HDAC4: variants seen among roughly 807,000 people sequenced by gnomAD.
The protein encoded by HDAC4 is histone deacetylase 4, also known as histone deacetylase A.
HDAC4 carries 16 observed loss-of-function variants against 135.1 expected under a neutral mutation model. The ratio of observed to expected loss-of-function variants is 0.12; its 90% CI spans 0.08 to 0.18. HDAC4 has a LOEUF of 0.18. Ranked by LOEUF, HDAC4 falls within the 10% of genes least tolerant of loss-of-function variation. HDAC4 has a pLI of 1.00. For missense variants in HDAC4, 1,143 were observed against 1,511.8 expected (o/e 0.76, Z 4.05); for synonymous variants, 685 against 653.4 (o/e 1.05, Z -0.74).
intron 3 of HDAC4, among the ~76,000 whole-genome samples, chr2:239,199,470 C>T (rs1042155826): frequency 1.6e-4 from 24 of 152,290 alleles, no homozygotes; most frequent in African/African-American, 4.8e-4. Flanking sequence ...TCACAAACAG[C>T]GCTTATGAGA....
At position 239,299,012 on chromosome 2, in the gene HDAC4, G is replaced by T. The variant is rs966205310; in HGVS notation, c.22+53666C>A. ...GCCTCCCGAGTAGCTGGGACTACAG[G>T]TGCCCGCCACCACGCCCAGCTAATT... On this transcript the variant is annotated intron_variant, in intron 2 of 26. Transcript: ENST00000543185. This position sits in a 1 kb window ranked among gnomAD's most constrained non-coding sequence, Gnocchi z 4.0. Among the ~76,000 whole-genome samples, 2 of 151,840 alleles carry T rather than the reference G, an allele frequency of 1.3e-5. No homozygotes were observed. Among genetic ancestry groups the T allele is most frequent in the South Asian group, 4.2e-4 (2 of 4,806 alleles).
intron 2 of HDAC4, among the ~76,000 whole-genome samples, chr2:239,282,136 TG>T (rs2050806400): frequency 7.1e-6 from 1 of 141,488 alleles, no homozygotes; most frequent in Admixed American, 7.0e-5. Flanking sequence ...GTACACACCA[TG>T]CTACAATGAA....
In HDAC4 at chr2:239,207,598, C is replaced by T. The variant is rs1342200414; in HGVS notation, c.95-17521G>A. Among the ~76,000 whole-genome samples, 5 of 152,134 alleles carry T rather than the reference C, an allele frequency of 3.3e-5. No homozygotes were observed. In the East Asian group the frequency reaches 9.6e-4, roughly 29 times the overall value. On this transcript the variant is annotated intron_variant, in intron 3 of 26. Transcript: ENST00000543185. ...AAAATAAAAAAATACAAAGGAACAA[C>T]TTGAGGCCAGTAAGTTTTAAAACTT...
intron 18 of HDAC4, among the ~76,000 whole-genome samples, chr2:239,088,162 G>C (rs2036167384): frequency 6.6e-6 from 1 of 152,260 alleles, no homozygotes; most frequent in African/African-American, 2.4e-5. Flanking sequence ...ACACTGGGCA[G>C]AAACGCTGTC....
Position 239,388,211 on chromosome 2 carries a change from G to A in HDAC4, c.-220+12767C>T, listed in dbSNP as rs78335521. ...ACTTATCCTGACAACAGTTCTTCAA[G>A]GAGGAAACCCTGAAGTCTGCTTTGC... is the stretch of plus-strand genomic sequence containing the variant. On this transcript the variant is annotated intron_variant, in intron 1 of 26. Transcript: ENST00000543185. Among the ~76,000 whole-genome samples, 912 of 152,330 alleles carry A rather than the reference G, an allele frequency of 6.0e-3. 13 individuals are homozygous for A. The highest frequency in any genetic ancestry group is 0.021 in the African/African-American group (853 of 41,570).
In HDAC4 at chr2:239,141,914, T is replaced by C. The variant is rs2041401603; in HGVS notation, c.866-2118A>G. Reference sequence around the variant, plus strand: ...TCATATAAATGCATAATCTTCATAGTATTACTTAGATCAGCAAAACGGGAA... The same window carrying C: ...TCATATAAATGCATAATCTTCATAGCATTACTTAGATCAGCAAAACGGGAA... On this transcript the variant is annotated intron_variant, in intron 8 of 26. Transcript: ENST00000543185. This position sits in a 1 kb window ranked among gnomAD's most constrained non-coding sequence, Gnocchi z 4.9. 6.6e-6 allele frequency among the ~76,000 whole-genome samples: 1 copy of C among 152,162 alleles called. No homozygotes were observed.
intron 4 of HDAC4, among the ~76,000 whole-genome samples, chr2:239,182,359 C>G (rs2044207102): frequency 6.6e-6 from 1 of 152,244 alleles, no homozygotes; most frequent in Non-Finnish European, 1.5e-5. Context: ...GCAGAGCGGA[C>G]AGATGCAGCC....
At chr2:239,069,435 GAC>G (rs2033923077) in intron 22 of HDAC4, among the ~76,000 whole-genome samples, 1 of 64,818 alleles carries the variant, frequency 1.5e-5, no homozygotes, top group African/African-American at 6.1e-5. Context: ...CAAGCCCCAC[GAC>G]ACTTGCTTAG....
intron 2 of HDAC4, among the ~76,000 whole-genome samples, chr2:239,242,259 A>AGGGAGGGAGGG (rs1291753989): frequency 6.7e-6 from 1 of 150,126 alleles, no homozygotes; most frequent in African/African-American, 2.5e-5. Context: ...GGAGGGAGGG[A>AGGGAGGGAGGG]AACGAACAGT....
intron 1 of HDAC4, among the ~76,000 whole-genome samples, chr2:239,373,889 T>C (rs555008185): frequency 2.4e-4 from 37 of 152,320 alleles, no homozygotes; most frequent in African/African-American, 8.9e-4. Flanking sequence ...CAATTGTCTT[T>C]GGAGATTTCT....
At chr2:239,369,829 T>TA (rs1035319406) in intron 1 of HDAC4, among the ~76,000 whole-genome samples, 34 of 152,274 alleles carry the variant, frequency 2.2e-4, no homozygotes, top group African/African-American at 8.2e-4. Context: ...ATGAAGAGCT[T>TA]AAAGGAGCTG....
intron 22 of HDAC4, among the ~76,000 whole-genome samples, chr2:239,074,333 G>A (rs2034518152): frequency 6.6e-6 from 1 of 152,374 alleles, no homozygotes; most frequent in Non-Finnish European, 1.5e-5. Context: ...CTGCTTTGCA[G>A]CGAGCGCACG....
chr2:239,271,422 G>A (rs1454267557), intron 2 of HDAC4, among the ~76,000 whole-genome samples: 4 of 152,190 alleles, frequency 2.6e-5, no homozygotes, highest in East Asian at 1.9e-4. Context: ...CACTGTGCTC[G>A]GTCGGCTTAG....
chr2:239,326,037 T>C (rs1161865690), intron 2 of HDAC4, among the ~76,000 whole-genome samples: 1 of 151,926 alleles, frequency 6.6e-6, no homozygotes, highest in East Asian at 1.9e-4. Context: ...ACCCAAAAGA[T>C]GTGAAAGCAG....
At chr2:239,054,676 G>T (rs945395741) in intron 25 of HDAC4, 73 bp downstream of exon 25, 24 of 947,372 alleles carry the variant, frequency 2.5e-5, no homozygotes, top group Non-Finnish European at 3.7e-5. Flanking sequence ...GGTATAGGGG[G>T]ACAGGGATGG....
intron 4 of HDAC4, among the ~76,000 whole-genome samples, chr2:239,181,772 G>C (rs1027171779): frequency 1.1e-4 from 16 of 152,216 alleles, no homozygotes; most frequent in African/African-American, 3.9e-4. Flanking sequence ...GTTAAATGTG[G>C]CACCTGCCCC....
At position 239,101,370 on chromosome 2, in the gene HDAC4, G is replaced by C. The variant is rs117539493; in HGVS notation, c.2233+1406C>G. ...GTGCCCTCGGCGAGTGGATGAAGGC[G>C]TGAGCGAGTGAGTGAGTGAACGCAT... is the stretch of plus-strand genomic sequence containing the variant. On this transcript the variant is annotated intron_variant, in intron 16 of 26. Transcript: ENST00000543185. Among the ~76,000 whole-genome samples, 20 of 152,334 alleles carry C rather than the reference G, an allele frequency of 1.3e-4. No homozygotes were observed. In the East Asian group the frequency reaches 3.9e-3, roughly 29 times the overall value.
intron 1 of HDAC4, among the ~76,000 whole-genome samples, chr2:239,354,328 G>T (rs1296932487): frequency 6.6e-6 from 1 of 152,186 alleles, no homozygotes; most frequent in South Asian, 2.1e-4. Flanking sequence ...TGCTCCCAGG[G>T]AAGTGTCGGG....
chr2:239,345,026 C>G (rs1692522370), intron 2 of HDAC4, among the ~76,000 whole-genome samples: 1 of 152,120 alleles, frequency 6.6e-6, no homozygotes, highest in African/African-American at 2.4e-5. Context: ...CCCCTGGACT[C>G]CTGCCAGCTG....
Sources: gnomAD v4.1 joint callset for allele counts (sites outside exome capture counted in the v4.1 genomes callset) on GRCh38, gnomAD v4.1.1 for gene constraint, Gnocchi (gnomAD v3.1) non-coding constraint, MANE v1.5 for transcripts, NCBI Gene and HGNC (gene_info 2026-07-23, HGNC 2026-07-21) for gene names.